Variants in NEK11 observed in about 807,000 individuals in gnomAD.
NEK11 encodes NIMA related kinase 11.
Under a neutral mutation model 80.7 loss-of-function variants are expected in NEK11, and 72 were observed. The ratio of observed to expected loss-of-function variants is 0.89; its 90% CI spans 0.74 to 1.08. NEK11 has a LOEUF of 1.08. Ranked by LOEUF, NEK11 falls within the 50% of genes least tolerant of loss-of-function variation. NEK11 has a pLI of 0.00. For synonymous variants in NEK11, 251 were observed against 260.7 expected, an observed-to-expected ratio of 0.96 and a Z score of 0.36; for missense variants, 764 against 763.6, an observed-to-expected ratio of 1.00 and a Z score of -0.01.
intron 17 of NEK11, among the ~76,000 whole-genome samples, chr3:131,344,557 A>G (rs2097333580): frequency 6.6e-6 from 1 of 152,070 alleles, no homozygotes; most frequent in Non-Finnish European, 1.5e-5. Flanking sequence ...CTTGGTATCA[A>G]TTTTCTGTAT....
chr3:131,232,864 A>G (rs2095356775), intron 15 of NEK11, among the ~76,000 whole-genome samples: 1 of 152,124 alleles, frequency 6.6e-6, no homozygotes, highest in African/African-American at 2.4e-5. Flanking sequence ...GGTACTTTGC[A>G]TGCTGTGTCA....
chr3:131,224,824 G>A (rs1256508985), intron 14 of NEK11, among the ~76,000 whole-genome samples: 1 of 152,074 alleles, frequency 6.6e-6, no homozygotes, highest in Non-Finnish European at 1.5e-5. Context: ...AAGAAAAAAT[G>A]CTTATTGACT....
rs79450162 is a variant in NEK11, at chr3:131,075,999, G to A, written c.171-4424G>A. On this transcript the variant is annotated intron_variant, in intron 3 of 17. Coordinates refer to ENST00000383366, the MANE Select transcript of NEK11 (RefSeq NM_024800.5). ...TGATGACACATATATTTGCAAAATGGAGACGCCGTGCCACCTTGTTTCTTG... is the reference window on the plus strand; with the variant it reads ...TGATGACACATATATTTGCAAAATGAAGACGCCGTGCCACCTTGTTTCTTG... 4.8e-3 allele frequency among the ~76,000 whole-genome samples: 727 copies of A among 152,276 alleles called. 2 individuals carry two copies. Among genetic ancestry groups the A allele is most frequent in the Non-Finnish European group, 7.8e-3 (529 of 68,016 alleles).
chr3:131,112,548 T>G (rs2080308494), intron 5 of NEK11, among the ~76,000 whole-genome samples: 1 of 152,142 alleles, frequency 6.6e-6, no homozygotes, highest in Non-Finnish European at 1.5e-5. Context: ...AATTTAAGAT[T>G]TTTGCATTTT....
At chr3:131,104,343 A>T (rs1187185079) in intron 4 of NEK11, among the ~76,000 whole-genome samples, 1 of 152,156 alleles carries the variant, frequency 6.6e-6, no homozygotes, top group Admixed American at 6.5e-5. Flanking sequence ...GGCCGTGCCC[A>T]ATCAGGAGCA....
At chr3:131,229,944 G>A (rs748695566) in intron 15 of NEK11, among the ~76,000 whole-genome samples, 5 of 151,886 alleles carry the variant, frequency 3.3e-5, no homozygotes, top group Non-Finnish European at 7.4e-5. Flanking sequence ...TTTTTCCAAC[G>A]GAATCTGGAA....
intron 3 of NEK11, among the ~76,000 whole-genome samples, chr3:131,054,747 TCTAAATAAATAAATAA>T (rs1344532093): frequency 4.0e-5 from 5 of 124,076 alleles, no homozygotes; most frequent in South Asian, 2.7e-4. Context: ...ACAGCCTGCC[TCTAAATAAATAAATAA>T]ATAAATAAAT....
At chr3:131,196,655 T>C (rs1017591106) in intron 14 of NEK11, among the ~76,000 whole-genome samples, 2 of 152,010 alleles carry the variant, frequency 1.3e-5, no homozygotes, top group Non-Finnish European at 2.9e-5. Flanking sequence ...TGCCTCAGCC[T>C]CCTGAGTAGC....
intron 3 of NEK11, among the ~76,000 whole-genome samples, chr3:131,069,976 A>AT (rs1373387255): frequency 2.0e-5 from 3 of 148,390 alleles, no homozygotes; most frequent in Admixed American, 6.7e-5. Flanking sequence ...TTAAAGTATA[A>AT]TAAAAAAAAA....
At chr3:131,238,474 C>A (rs1425508429) in intron 15 of NEK11, among the ~76,000 whole-genome samples, 1 of 152,072 alleles carries the variant, frequency 6.6e-6, no homozygotes, top group South Asian at 2.1e-4. Context: ...GTACAGGTAG[C>A]CAATTAGCCA....
At chr3:131,315,917 T>C (rs1347871100) in intron 17 of NEK11, among the ~76,000 whole-genome samples, 1 of 152,214 alleles carries the variant, frequency 6.6e-6, no homozygotes. Flanking sequence ...TAGTATTCCA[T>C]GGTGTATATT....
chr3:131,131,167 A>G (rs2084398404), intron 5 of NEK11, among the ~76,000 whole-genome samples: 1 of 152,192 alleles, frequency 6.6e-6, no homozygotes, highest in South Asian at 2.1e-4. Context: ...CATCAGAGAT[A>G]CTGGTTTTTA....
intron 3 of NEK11, among the ~76,000 whole-genome samples, chr3:131,061,999 G>T (rs1294872288): frequency 6.6e-6 from 1 of 152,152 alleles, no homozygotes; most frequent in East Asian, 1.9e-4. Flanking sequence ...AGTTGATAAC[G>T]AATGAATTCA....
chr3:131,199,715 C>G (rs879362805), intron 14 of NEK11, among the ~76,000 whole-genome samples: 2 of 151,978 alleles, frequency 1.3e-5, no homozygotes, highest in African/African-American at 4.8e-5. Context: ...TGGCATTCTA[C>G]TTCTGATAAT....
intron 5 of NEK11, among the ~76,000 whole-genome samples, chr3:131,115,832 C>T (rs1439288429): frequency 6.6e-6 from 1 of 152,104 alleles, no homozygotes; most frequent in African/African-American, 2.4e-5. Context: ...ACCTCACTGC[C>T]CATGGATTTC....
intron 3 of NEK11, among the ~76,000 whole-genome samples, chr3:131,060,902 A>G (rs750032150): frequency 4.6e-5 from 7 of 152,154 alleles, no homozygotes; most frequent in Non-Finnish European, 8.8e-5. Flanking sequence ...CTGATAACTA[A>G]AGAGACTGAG....
At chr3:131,073,377 G>C (rs1158853205) in intron 3 of NEK11, among the ~76,000 whole-genome samples, 1 of 152,192 alleles carries the variant, frequency 6.6e-6, no homozygotes, top group Non-Finnish European at 1.5e-5. Flanking sequence ...CTGAGACACT[G>C]CATGAAAGTT....
intron 15 of NEK11, among the ~76,000 whole-genome samples, chr3:131,233,320 G>A (rs995968978): frequency 3.3e-5 from 5 of 152,298 alleles, no homozygotes; most frequent in Middle Eastern, 3.4e-3. Context: ...GGGCCTCAGC[G>A]TGGACCCTGC....
intron 6 of NEK11, chr3:131,133,314 GGGAA>G (rs765477458): frequency 1.2e-4 from 53 of 443,138 alleles, no homozygotes; most frequent in Middle Eastern, 3.3e-4. Flanking sequence ...GGTGTACTTG[GGGAA>G]GGAAGGAAGG....
Sources: allele counts gnomAD v4.1 joint callset (sites outside exome capture counted in the v4.1 genomes callset), GRCh38; gene constraint gnomAD v4.1.1; transcripts MANE v1.5; gene names NCBI Gene and HGNC (gene_info 2026-07-23, HGNC 2026-07-21).